FMNL3: variants seen among roughly 807,000 people sequenced by gnomAD.
The protein encoded by FMNL3 is formin-like protein 3.
Under a neutral mutation model 119.6 loss-of-function variants are expected in FMNL3, and 57 were observed. The ratio of observed to expected loss-of-function variants is 0.48; its 90% CI spans 0.39 to 0.59. The LOEUF (loss-of-function observed/expected upper bound fraction) is 0.59, where lower values mean the gene tolerates loss of function less well. Among genes scored for constraint, FMNL3 ranks in the 20% least tolerant of loss-of-function variants. FMNL3 has a pLI of 0.00. For missense variants in FMNL3, 1,053 were observed against 1,323.5 expected (o/e 0.80, Z 3.17); for synonymous variants, 491 against 507.3 (o/e 0.97, Z 0.43).
chr12:49,644,273 C>G lies in FMNL3; in HGVS notation c.*1542G>C. The G allele has an allele frequency of 2.0e-6, 3 of 1,483,474 alleles. No homozygotes were observed. The highest frequency in any genetic ancestry group is 2.8e-6 in the Non-Finnish European group (3 of 1,069,502). The allele number at this position is 1,483,474 out of a possible 1,614,324, so 91.9% of individuals were successfully genotyped here. ...CCTCACCGTCTGCCTCAGACTTCTT[C>G]CTTAGTCTGGTCTGTGTCCACTTTT... On this transcript the variant is annotated 3_prime_UTR_variant, in exon 26 of 26. Transcript: ENST00000335154.
intron 1 of FMNL3, among the ~76,000 whole-genome samples, chr12:49,684,597 G>A (rs1056199348): frequency 3.3e-5 from 5 of 152,148 alleles, no homozygotes; most frequent in African/African-American, 1.2e-4. Context: ...ACAGATAAAT[G>A]CTTTGGGACG....
chr12:49,686,438 C>T lies in FMNL3; in HGVS notation c.127-17884G>A, dbSNP rs556635424. ...CTACTAAAAATACAAAAAAATTAGG[C>T]GTGGTGGCGGGCGCCTGTAGTCCCA... On this transcript the variant is annotated intron_variant, in intron 1 of 25. Transcript: ENST00000335154. 5.9e-5 allele frequency among the ~76,000 whole-genome samples: 9 copies of T among 151,742 alleles called. No individual in the cohort carries two copies. In the South Asian group the frequency reaches 1.5e-3, roughly 25 times the overall value.
chr12:49,677,490 T>C (rs188709143), intron 1 of FMNL3, among the ~76,000 whole-genome samples: 6 of 152,354 alleles, frequency 3.9e-5, no homozygotes, highest in East Asian at 1.9e-4. Flanking sequence ...ACTTACCCCA[T>C]AGTGTTGCTA....
rs1296121185 is a variant in FMNL3, at chr12:49,646,911, A to G, written c.2970T>C (p.Asp990=). The G allele has an allele frequency of 1.2e-6, 2 of 1,614,020 alleles. No homozygotes were observed. Among genetic ancestry groups the G allele is most frequent in the African/African-American group, 1.3e-5 (1 of 74,996 alleles). Residue 990 remains aspartate, a synonymous_variant, in exon 25 of 26, where the codon GAT becomes GAC. Coordinates refer to ENST00000335154, the MANE Select transcript of FMNL3 (RefSeq NM_175736.5). ...KEHRPVYEGK[D]GTIEDIITGL... is the part of the protein sequence containing the mutation. ...CTGTGATGATGTCCTCGATGGTACC[A>G]TCCTTCCCCTCATAAACAGGCCGGT...
intron 1 of FMNL3, among the ~76,000 whole-genome samples, chr12:49,689,762 G>T (rs1466226624): frequency 2.0e-5 from 3 of 152,158 alleles, no homozygotes; most frequent in South Asian, 4.1e-4. Context: ...CTGGCCATCT[G>T]TCCTGATCCA....
At position 49,647,463 on chromosome 12, in the gene FMNL3, C is replaced by A; in HGVS notation, c.2779-95G>T. 1 of 1,373,664 alleles carries A rather than the reference C, an allele frequency of 7.3e-7. No individual in the cohort carries two copies. Among genetic ancestry groups the A allele is most frequent in the Middle Eastern group, 1.8e-4 (1 of 5,618 alleles). 85.1% of individuals were successfully genotyped at this position (1,373,664 alleles called of 1,614,324 possible). A position where few individuals can be genotyped will look rare whatever the true frequency, so the allele number is the denominator to read the frequency against. On this transcript the variant is annotated intron_variant, in intron 23 of 25. Transcript: ENST00000335154. The surrounding 1 kb of genome is among the most constrained non-coding windows in gnomAD (Gnocchi z 4.9). Reference sequence around the variant, plus strand: ...GGTGGAGAGTGGGTGGCAGTGGGACCCGCTAACTCCAGGTGGCCACCCTCT... The same window carrying A: ...GGTGGAGAGTGGGTGGCAGTGGGACACGCTAACTCCAGGTGGCCACCCTCT...
rs879092226 is a variant in FMNL3 at position 49,645,453 on chromosome 12, GA to G, written c.*361del. The G allele has an allele frequency of 3.9e-4, 77 of 199,170 alleles. No individual in the cohort carries two copies. Among genetic ancestry groups the G allele is most frequent in the Middle Eastern group, 1.6e-3 (1 of 612 alleles). 12.3% of individuals were successfully genotyped at this position (199,170 alleles called of 1,614,324 possible). ...GACCATGGGCCTGCAAAAAGGAAGG[GA>G]AAAAAAAAGAAAGAACAGTTGCTCT... On this transcript the variant is annotated 3_prime_UTR_variant, in exon 26 of 26. Coordinates refer to ENST00000335154, the MANE Select transcript of FMNL3 (RefSeq NM_175736.5).
In FMNL3 at chr12:49,647,900, G is replaced by T; in HGVS notation, c.2677-96C>A. 1 of 1,036,834 alleles carries T rather than the reference G, an allele frequency of 9.6e-7. No individual in the cohort carries two copies. The allele number at this position is 1,036,834 out of a possible 1,614,324, so 64.2% of individuals were successfully genotyped here. A position where few individuals can be genotyped will look rare whatever the true frequency, so the allele number is the denominator to read the frequency against. On this transcript the variant is annotated intron_variant, in intron 22 of 25. Coordinates refer to ENST00000335154, the MANE Select transcript of FMNL3 (RefSeq NM_175736.5). This position sits in a 1 kb window ranked among gnomAD's most constrained non-coding sequence, Gnocchi z 4.9. Reference sequence around the variant, plus strand: ...AGGCCTGCAGAAAGCAGAGCCCAGGGCCAAAGGGAGGAAAACCAAGCACCC... The same window carrying T: ...AGGCCTGCAGAAAGCAGAGCCCAGGTCCAAAGGGAGGAAAACCAAGCACCC...
At chr12:49,666,780 G>C (rs574494286) in intron 2 of FMNL3, among the ~76,000 whole-genome samples, 4 of 152,182 alleles carry the variant, frequency 2.6e-5, no homozygotes, top group East Asian at 3.9e-4. Context: ...CTGGGCAACA[G>C]AGTGTGATCC....
At chr12:49,658,623 T>C (rs760675604) in intron 5 of FMNL3, 29 bp from the exon 6 acceptor site, 3 of 1,574,298 alleles carry the variant, frequency 1.9e-6, no homozygotes, top group South Asian at 2.4e-5. Flanking sequence ...CACATGCGCA[T>C]ACACAGGCAC....
chr12:49,668,646 C>T (rs750568788), intron 1 of FMNL3, 92 bp from the exon 2 acceptor site: 3 of 1,091,874 alleles, frequency 2.7e-6, no homozygotes, highest in Non-Finnish European at 4.1e-6. Flanking sequence ...GCTACTGGGC[C>T]CTCAGACTTC....
Position 49,660,566 on chromosome 12 carries a change from C to T in FMNL3, c.452+1400G>A, listed in dbSNP as rs144824048. Reference sequence around the variant, plus strand: ...AGGATAACCTGGAAAAGGTGAGAGGCGCCGAACATAGAAGAAGCATCAAAT... The same window carrying T: ...AGGATAACCTGGAAAAGGTGAGAGGTGCCGAACATAGAAGAAGCATCAAAT... On this transcript the variant is annotated intron_variant, in intron 5 of 25. Transcript: ENST00000335154. Among the ~76,000 whole-genome samples, 196 of 152,230 alleles carry T rather than the reference C, an allele frequency of 1.3e-3. 1 individual carries two copies. Among genetic ancestry groups the T allele is most frequent in the South Asian group, 3.3e-3 (16 of 4,822 alleles).
chr12:49,661,559 C>T (rs17199026), intron 5 of FMNL3, among the ~76,000 whole-genome samples: 12,764 of 152,256 alleles, frequency 0.084, 748 homozygotes, highest in Non-Finnish European at 0.12. Context: ...CTGGAGTAAC[C>T]TTCTCACATC....
In FMNL3 at chr12:49,644,321, C is replaced by T; in HGVS notation, c.*1494G>A. Reference sequence around the variant, plus strand: ...TTTTCTAAAGTAACCCCACCCCCAGCACACCATTGTTGGCACCTCTCAAGG... The same window carrying T: ...TTTTCTAAAGTAACCCCACCCCCAGTACACCATTGTTGGCACCTCTCAAGG... On this transcript the variant is annotated 3_prime_UTR_variant, in exon 26 of 26. Transcript: ENST00000335154. 1 of 1,042,714 alleles carries T rather than the reference C, an allele frequency of 9.6e-7. No homozygotes were observed. Among genetic ancestry groups the T allele is most frequent in the Non-Finnish European group, 1.4e-6 (1 of 698,220 alleles). 64.6% of individuals were successfully genotyped at this position (1,042,714 alleles called of 1,614,324 possible).
chr12:49,661,992 G>A lies in FMNL3; in HGVS notation c.426C>T (p.Tyr142=). Residue 142 remains tyrosine (Y), a synonymous_variant, in exon 5 of 26, where the codon TAC becomes TAT. Coordinates refer to ENST00000335154, the MANE Select transcript of FMNL3 (RefSeq NM_175736.5). ...TGACAGAACACTGGGCAAAGGACAG[G>A]TAATCCACCAGTACATCCAGGCCTT... The part of the protein sequence containing the change: ...ENKGLDVLVD[Y]LSFAQCSVMF... 6.2e-7 allele frequency: 1 copy of A among 1,614,190 alleles called. No individual in the cohort carries two copies. The highest frequency in any genetic ancestry group is 1.6e-4 in the Middle Eastern group (1 of 6,062).
Position 49,649,119 on chromosome 12 carries a change from G to A in FMNL3, c.2425C>T (p.Leu809Phe). 6.2e-7 allele frequency: 1 copy of A among 1,613,856 alleles called. No individual in the cohort carries two copies. Among genetic ancestry groups the A allele is most frequent in the East Asian group, 2.2e-5 (1 of 44,884 alleles). The change falls in exon 21 of 26, where the codon CTT (leucine) becomes TTT (phenylalanine). Residue 809 changes from leucine (L) to phenylalanine (F), a missense_variant. Coordinates refer to ENST00000335154, the MANE Select transcript of FMNL3 (RefSeq NM_175736.5). This position sits in a 1 kb window ranked among gnomAD's most constrained non-coding sequence, Gnocchi z 5.6. ...TKSTDRKMTL[L>F]HFIALTVKEK... The stretch of plus-strand genomic sequence containing the variant: ...TTCACTGTCAAGGCGATGAAATGAA[G>A]CAGTGTCATCTTCCGGTCAGTGGAC...
Position 49,644,082 on chromosome 12 carries a change from G to A in FMNL3, c.*1733C>T, listed in dbSNP as rs190448464. 2.0e-5 allele frequency: 33 copies of A among 1,614,210 alleles called. No individual in the cohort carries two copies. The Admixed American group carries it at 5.2e-4, about 25-fold the overall frequency. On this transcript the variant is annotated 3_prime_UTR_variant, in exon 26 of 26. Transcript: ENST00000335154. The stretch of plus-strand genomic sequence containing the variant: ...CCTTAGTGCAGGCTAAGGGTGAACT[G>A]TGCCTTTGCTCCAACAGACAGGCTG...
chr12:49,678,447 C>T lies in FMNL3; in HGVS notation c.127-9893G>A, dbSNP rs145364637. 1.6e-3 allele frequency among the ~76,000 whole-genome samples: 236 copies of T among 152,088 alleles called. 1 individual carries two copies. Among genetic ancestry groups the T allele is most frequent in the Non-Finnish European group, 2.8e-3 (192 of 67,970 alleles). On this transcript the variant is annotated intron_variant, in intron 1 of 25. Coordinates refer to ENST00000335154, the MANE Select transcript of FMNL3 (RefSeq NM_175736.5). ...CTGGGATTACAGGCATGAGCCACCA[C>T]ACTCGGCATTATTTTTATTATTATT...
In FMNL3 at chr12:49,642,144, A is replaced by AC; in HGVS notation, c.*3670dup. 6.2e-7 allele frequency: 1 copy of AC among 1,607,352 alleles called. No individual in the cohort carries two copies. Among genetic ancestry groups the AC allele is most frequent in the Non-Finnish European group, 8.5e-7 (1 of 1,175,556 alleles). ...TCAGGGGATGGTGGTAGAAGCCCAG[A>AC]CCCTAACTTTCCACCTCCTAAGGTA... On this transcript the variant is annotated 3_prime_UTR_variant, in exon 26 of 26. Coordinates refer to ENST00000335154, the MANE Select transcript of FMNL3 (RefSeq NM_175736.5). The surrounding 1 kb of genome is among the most constrained non-coding windows in gnomAD (Gnocchi z 5.8).
Sources: allele counts gnomAD v4.1 joint callset (sites outside exome capture counted in the v4.1 genomes callset), GRCh38; gene constraint gnomAD v4.1.1; non-coding constraint Gnocchi (gnomAD v3.1); transcripts MANE v1.5; gene names NCBI Gene and HGNC (gene_info 2026-07-23, HGNC 2026-07-21).